The following PGLS variants were observed in gnomAD, a reference collection of about 807,000 sequenced individuals.
PGLS encodes epididymis secretory protein Li 304.
A neutral mutation model predicts 23.2 loss-of-function variants in PGLS; 21 were observed. The observed-to-expected ratio is 0.91, with a 90% CI of 0.64 to 1.31. The LOEUF (loss-of-function observed/expected upper bound fraction) is 1.31, where lower values mean the gene tolerates loss of function less well. Ranked by LOEUF, PGLS falls within the 50% of genes most tolerant of loss-of-function variation. The pLI is 0.00. For missense variants in PGLS, 410 were observed against 354.0 expected, an observed-to-expected ratio of 1.16 and a Z score of -1.27; for synonymous variants, 179 against 165.4, an observed-to-expected ratio of 1.08 and a Z score of -0.63.
intron 2 of PGLS, chr19:17,516,608 G>A (rs866354210): frequency 9.3e-5 from 76 of 814,802 alleles, no homozygotes; most frequent in Admixed American, 7.3e-4. Context: ...TCTTTGAGAC[G>A]GAGTCTCACT....
In PGLS at chr19:17,517,273, TCTC is replaced by T; in HGVS notation, c.397-13_397-11del. 2 of 1,590,214 alleles carry T rather than the reference TCTC, an allele frequency of 1.3e-6. No homozygotes were observed. Among genetic ancestry groups the T allele is most frequent in the Non-Finnish European group, 1.7e-6 (2 of 1,158,704 alleles). ...CACCTACAACCTCTCAAGGCTGTCT[TCTC>T]CCCACGCCCAGGCATTCCAAGGGGA... On this transcript the variant is annotated splice_polypyrimidine_tract_variant and intron_variant, in intron 2 of 4. Transcript: ENST00000252603.
intron 2 of PGLS, 89 bp downstream of exon 2, chr19:17,516,369 A>G (rs1388564595): frequency 6.6e-7 from 1 of 1,519,074 alleles, no homozygotes; most frequent in East Asian, 2.5e-5. Flanking sequence ...TGTCACCAGC[A>G]GGAACTGCCC....
intron 1 of PGLS, among the ~76,000 whole-genome samples, chr19:17,514,352 G>A (rs1450729771): frequency 6.6e-6 from 1 of 151,976 alleles, no homozygotes; most frequent in Non-Finnish European, 1.5e-5. Flanking sequence ...ATTGGATTTA[G>A]GGCCCACACT....
chr19:17,515,138 G>C (rs1200564476), intron 1 of PGLS, among the ~76,000 whole-genome samples: 1 of 152,096 alleles, frequency 6.6e-6, no homozygotes, highest in East Asian at 1.9e-4. Context: ...GTGATAGCAG[G>C]CTGCATAGAT....
chr19:17,518,066 G>A lies in PGLS; in HGVS notation c.639+216G>A, dbSNP rs563136051. ...ATTAAAGGCTAGTTAGGTATTAACC[G>A]CTATGAAATGAAATTGATGAGATGA... On this transcript the variant is annotated intron_variant, in intron 4 of 4. Transcript: ENST00000252603. Among the ~76,000 whole-genome samples, 13 of 149,854 alleles carry A rather than the reference G, an allele frequency of 8.7e-5. No individual in the cohort carries two copies. In the East Asian group the frequency reaches 9.7e-4, roughly 11 times the overall value.
At chr19:17,515,807 G>T (rs1043205656) in intron 1 of PGLS, 12 of 216,770 alleles carry the variant, frequency 5.5e-5, no homozygotes, top group Non-Finnish European at 1.9e-5. Flanking sequence ...AAATACAACG[G>T]AATTGAAAGA....
rs1000716747 is a variant in PGLS at position 17,521,138 on chromosome 19, C to T, written c.*57C>T. 38 of 1,457,954 alleles carry T rather than the reference C, an allele frequency of 2.6e-5. No homozygotes were observed. Among genetic ancestry groups the T allele is most frequent in the Non-Finnish European group, 3.3e-5 (36 of 1,095,494 alleles). 90.3% of individuals were successfully genotyped at this position (1,457,954 alleles called of 1,614,324 possible). On this transcript the variant is annotated 3_prime_UTR_variant, in exon 5 of 5. Transcript: ENST00000252603. ...GCACGCGGCCCATGGGGCTGGGCCCCTGCTGGCCGCCACTCTCCGGGCTCT... is the reference window on the plus strand; with the variant it reads ...GCACGCGGCCCATGGGGCTGGGCCCTTGCTGGCCGCCACTCTCCGGGCTCT...
chr19:17,515,346 A>G (rs969055050), intron 1 of PGLS, among the ~76,000 whole-genome samples: 1 of 152,108 alleles, frequency 6.6e-6, no homozygotes, highest in Non-Finnish European at 1.5e-5. Context: ...TCACTGAGCT[A>G]GACTCTGCAC....
intron 1 of PGLS, among the ~76,000 whole-genome samples, chr19:17,513,512 TAA>T (rs34816451): frequency 3.6e-5 from 5 of 137,810 alleles, no homozygotes; most frequent in East Asian, 2.2e-4. Flanking sequence ...GTCTTAAAGA[TAA>T]AAAAAAAAAA....
rs2075540293 is a variant in PGLS at position 17,517,791 on chromosome 19, A to C, written c.580A>C (p.Asn194His). ...TGTGACCCTCACACTACCTGTCCTG[A>C]ATGCAGCACGAACTGTCATCTTTGT... ...QRVTLTLPVLNAARTVIFVAT... is the reference protein window; with the variant it reads ...QRVTLTLPVLHAARTVIFVAT... The change falls in exon 4 of 5, where the codon AAT becomes CAT. Residue 194 changes from asparagine (N) to histidine (H), a missense_variant. Coordinates refer to ENST00000252603, the MANE Select transcript of PGLS (RefSeq NM_012088.3). 1.2e-6 allele frequency: 2 copies of C among 1,614,060 alleles called. No individual in the cohort carries two copies. Among genetic ancestry groups the C allele is most frequent in the Admixed American group, 1.7e-5 (1 of 59,996 alleles).
rs912579908 is a variant in PGLS at position 17,521,176 on chromosome 19, C to T, written c.*95C>T. On this transcript the variant is annotated 3_prime_UTR_variant, in exon 5 of 5. Transcript: ENST00000252603. ...CTCTCCGGGCTCTCCTTTCAAAAAG[C>T]CACGTCGTGCTGCTGCTGGAAGCCA... The T allele has an allele frequency of 1.5e-6, 2 of 1,293,594 alleles. No homozygotes were observed. The highest frequency in any genetic ancestry group is 1.5e-5 in the African/African-American group (1 of 65,784). The allele number at this position is 1,293,594 out of a possible 1,614,324, so 80.1% of individuals were successfully genotyped here.
chr19:17,518,811 A>G lies in PGLS; in HGVS notation c.639+961A>G, dbSNP rs545342353. 3.9e-5 allele frequency among the ~76,000 whole-genome samples: 6 copies of G among 152,162 alleles called. No individual in the cohort carries two copies. In the East Asian group the frequency reaches 7.8e-4, roughly 20 times the overall value. ...CTCCCAAAGTGCTGGGATTACAGAT[A>G]TGAGTCACCGTGCCTAGCCTGGTTT... On this transcript the variant is annotated intron_variant, in intron 4 of 4. Transcript: ENST00000252603.
intron 1 of PGLS, 176 bp downstream of exon 1, chr19:17,512,136 C>A: frequency 2.9e-6 from 2 of 685,626 alleles, no homozygotes; most frequent in Non-Finnish European, 4.5e-6. Flanking sequence ...GCCTGCACCT[C>A]GGCTACGTGG....
chr19:17,511,748 G>C lies in PGLS; in HGVS notation c.76G>C (p.Val26Leu). The C allele has an allele frequency of 6.7e-7, 1 of 1,503,470 alleles. No homozygotes were observed. Among genetic ancestry groups the C allele is most frequent in the Non-Finnish European group, 8.8e-7 (1 of 1,133,430 alleles). The allele number at this position is 1,503,470 out of a possible 1,614,324, so 93.1% of individuals were successfully genotyped here. ...GCTGGGTGCGGCGCTAGCGCAGCTGGTGGCCCAGCGCGCAGCATGCTGCCT... is the reference window on the plus strand; with the variant it reads ...GCTGGGTGCGGCGCTAGCGCAGCTGCTGGCCCAGCGCGCAGCATGCTGCCT... ...QELGAALAQL[V>L]AQRAACCLAG... The change falls in exon 1 of 5, where the codon GTG becomes CTG. Residue 26 changes from valine to leucine, a missense_variant. Physicochemically the swap from Val to Leu is conservative, Grantham distance 32. Transcript: ENST00000252603.
chr19:17,512,045 C>A, intron 1 of PGLS, 85 bp downstream of exon 1: 2 of 1,387,238 alleles, frequency 1.4e-6, no homozygotes, highest in Non-Finnish European at 1.9e-6. Flanking sequence ...CGCCGGGGGC[C>A]ATGCCGAAAG....
intron 1 of PGLS, chr19:17,512,303 C>T (rs935667139): frequency 5.5e-6 from 2 of 362,300 alleles, no homozygotes; most frequent in African/African-American, 4.4e-5. Flanking sequence ...CCTCCTGAAC[C>T]CCGCCTACAG....
chr19:17,512,063 C>T (rs1454545056), intron 1 of PGLS, 103 bp downstream of exon 1: 3 of 1,237,946 alleles, frequency 2.4e-6, no homozygotes, highest in Non-Finnish European at 3.3e-6. Flanking sequence ...AAGGGCCGCG[C>T]CCACTGTCTG....
chr19:17,512,165 A>G (rs1026325977), intron 1 of PGLS: 4 of 560,276 alleles, frequency 7.1e-6, no homozygotes, highest in Non-Finnish European at 1.2e-5. Flanking sequence ...GGGTCATGCC[A>G]AGAGGGCCGC....
At position 17,521,159 on chromosome 19, in the gene PGLS, G is replaced by A; in HGVS notation, c.*78G>A. On this transcript the variant is annotated 3_prime_UTR_variant, in exon 5 of 5. Transcript: ENST00000252603. Reference sequence around the variant, plus strand: ...GCCCCTGCTGGCCGCCACTCTCCGGGCTCTCCTTTCAAAAAGCCACGTCGT... The same window carrying A: ...GCCCCTGCTGGCCGCCACTCTCCGGACTCTCCTTTCAAAAAGCCACGTCGT... The A allele has an allele frequency of 7.1e-7, 1 of 1,407,272 alleles. No homozygotes were observed. The highest frequency in any genetic ancestry group is 1.5e-5 in the South Asian group (1 of 68,464). The allele number at this position is 1,407,272 out of a possible 1,614,324, so 87.2% of individuals were successfully genotyped here.
Sources: gnomAD v4.1 joint callset for allele counts (sites outside exome capture counted in the v4.1 genomes callset) on GRCh38, gnomAD v4.1.1 for gene constraint, MANE v1.5 for transcripts, NCBI Gene and HGNC (gene_info 2026-07-23, HGNC 2026-07-21) for gene names.